The following RANBP2 variants were observed in gnomAD, a reference collection of about 807,000 sequenced individuals.
RANBP2 encodes the protein RAN binding protein 2.
In RANBP2, 57 loss-of-function variants were observed where a neutral mutation model predicts 303.6. The ratio of observed to expected loss-of-function variants is 0.19; its 90% CI spans 0.15 to 0.23. RANBP2 has a LOEUF of 0.23. Ranked by LOEUF, RANBP2 falls within the 10% of genes least tolerant of loss-of-function variation. The probability of loss-of-function intolerance (pLI) is 1.00; values close to 1 mark genes in which losing one functional copy is unlikely to be tolerated. For missense variants in RANBP2, 3,138 were observed against 3,780.8 expected (o/e 0.83, Z 4.46); for synonymous variants, 1,167 against 1,301.5 (o/e 0.90, Z 2.23).
At chr2:108,968,448 G>A in the RANBP2 span, among the ~76,000 whole-genome samples, 698 of 152,238 alleles carry the variant, frequency 4.6e-3, 5 homozygotes, top group African/African-American at 0.012. Context: ...ATTATGGGGA[G>A]GTTTGTCCCC....
At chr2:109,441,041 A>G in the RANBP2 span, among the ~76,000 whole-genome samples, 1 of 151,946 alleles carries the variant, frequency 6.6e-6, no homozygotes, top group East Asian at 1.9e-4. Context: ...ATTTCACCCA[A>G]CAGAGCTCAA....
the RANBP2 span, among the ~76,000 whole-genome samples, chr2:109,632,451 T>C: frequency 1.2e-4 from 18 of 152,264 alleles, no homozygotes; most frequent in East Asian, 5.8e-4. Flanking sequence ...AGTGTCGCAA[T>C]TGAATTGCTG....
chr2:108,719,741 A>G (rs1694062717), intron 1 of RANBP2, 63 bp downstream of exon 1: 3 of 1,547,750 alleles, frequency 1.9e-6, no homozygotes, highest in East Asian at 2.4e-5. Flanking sequence ...CGCGCTGCTC[A>G]GGCGTCATGG....
the RANBP2 span, among the ~76,000 whole-genome samples, chr2:109,709,072 G>A: frequency 5.3e-5 from 8 of 151,778 alleles, no homozygotes; most frequent in African/African-American, 1.9e-4. Context: ...GGAGGCCAAG[G>A]TGGGTGGATC....
the RANBP2 span, among the ~76,000 whole-genome samples, chr2:109,446,462 A>C: frequency 9.8e-5 from 15 of 152,294 alleles, no homozygotes; most frequent in Admixed American, 8.5e-4. Flanking sequence ...AACTGTGAGG[A>C]GCTAAGAGCC....
chr2:108,735,127 G>A (rs1159419439), intron 4 of RANBP2, among the ~76,000 whole-genome samples: 2 of 152,152 alleles, frequency 1.3e-5, no homozygotes, highest in African/African-American at 2.4e-5. Flanking sequence ...GGTGATGAAG[G>A]TAACAGAACA....
At chr2:109,009,435 A>G in the RANBP2 span, among the ~76,000 whole-genome samples, 1 of 152,084 alleles carries the variant, frequency 6.6e-6, no homozygotes, top group Admixed American at 6.6e-5. Context: ...AATTTGGCCA[A>G]TATGGAATAA....
the RANBP2 span, among the ~76,000 whole-genome samples, chr2:109,578,914 AAAGT>A: frequency 6.6e-6 from 1 of 152,360 alleles, no homozygotes; most frequent in East Asian, 1.9e-4. Context: ...CAAAACTCCA[AAAGT>A]ACAGACGTAA....
the RANBP2 span, among the ~76,000 whole-genome samples, chr2:109,322,175 G>T: frequency 3.3e-5 from 5 of 152,148 alleles, no homozygotes; most frequent in Non-Finnish European, 7.4e-5. Context: ...GGATACACAG[G>T]AGACTCAGCG....
At chr2:109,398,129 A>G in the RANBP2 span, among the ~76,000 whole-genome samples, 1 of 152,166 alleles carries the variant, frequency 6.6e-6, no homozygotes, top group African/African-American at 2.4e-5. Flanking sequence ...AGTGCATTCC[A>G]GTCACATGCT....
chr2:109,066,087 G>A, the RANBP2 span, among the ~76,000 whole-genome samples: 4 of 151,110 alleles, frequency 2.6e-5, no homozygotes, highest in African/African-American at 7.3e-5. Flanking sequence ...ACAGGCATGC[G>A]CCACCATGCC....
At chr2:109,304,328 AGATCATGTG>A in the RANBP2 span, among the ~76,000 whole-genome samples, 16 of 152,224 alleles carry the variant, frequency 1.1e-4, no homozygotes, top group African/African-American at 3.9e-4. Flanking sequence ...CATATAAGTG[AGATCATGTG>A]GTATTTGTTT....
the RANBP2 span, among the ~76,000 whole-genome samples, chr2:108,988,215 A>G: frequency 6.6e-6 from 1 of 152,106 alleles, no homozygotes; most frequent in Admixed American, 6.5e-5. Context: ...CCCAGTGGGA[A>G]CCTCGCCTGC....
chr2:108,949,716 T>G, the RANBP2 span, among the ~76,000 whole-genome samples: 2 of 152,222 alleles, frequency 1.3e-5, no homozygotes, highest in East Asian at 3.8e-4. Flanking sequence ...ACCCCAGTCC[T>G]GTGTGCCATA....
the RANBP2 span, chr2:109,552,859 T>C: frequency 2.2e-6 from 1 of 458,002 alleles, no homozygotes; most frequent in Non-Finnish European, 3.8e-6. Context: ...ATTTCAACGA[T>C]TAGTGACTCC....
chr2:109,465,520 C>T, the RANBP2 span, among the ~76,000 whole-genome samples: 2 of 152,192 alleles, frequency 1.3e-5, no homozygotes, highest in African/African-American at 4.8e-5. Flanking sequence ...ATTTTGCCAT[C>T]CTAATAGTTA....
At chr2:109,548,594 G>A in the RANBP2 span, among the ~76,000 whole-genome samples, 3 of 151,972 alleles carry the variant, frequency 2.0e-5, no homozygotes, top group South Asian at 4.1e-4. Context: ...TGGGCAACAC[G>A]GGGAAACCCC....
At chr2:109,641,355 A>G in the RANBP2 span, among the ~76,000 whole-genome samples, 1 of 152,204 alleles carries the variant, frequency 6.6e-6, no homozygotes, top group Admixed American at 6.5e-5. Flanking sequence ...ACCCAAATGG[A>G]TGGATGAACG....
Position 108,719,647 on chromosome 2 carries a change from C to T in RANBP2, c.41C>T (p.Ser14Leu), listed in dbSNP as rs374619818. ...GCTGACGTGGAGCGGTACATCGCCT[C>T]GGTGCAGGGCTCCACCCCGTCGCCT... ...SKADVERYIA[S>L]VQGSTPSPRQ... The change falls in exon 1 of 29, where the codon TCG (serine) becomes TTG (leucine). Residue 14 changes from serine to leucine, a missense_variant. This residue lies in a region of RANBP2 where 306 missense variants were observed against 381.9 expected (regional missense o/e 0.80). Coordinates refer to ENST00000283195, the MANE Select transcript of RANBP2 (RefSeq NM_006267.5). 7.5e-6 allele frequency: 12 copies of T among 1,607,718 alleles called. No homozygotes were observed. The highest frequency in any genetic ancestry group is 2.2e-4 in the Middle Eastern group (1 of 4,450).
Sources: allele counts gnomAD v4.1 joint callset (sites outside exome capture counted in the v4.1 genomes callset), GRCh38; gene constraint gnomAD v4.1.1; regional missense constraint gnomAD v4.1.1; transcripts MANE v1.5; gene names NCBI Gene and HGNC (gene_info 2026-07-23, HGNC 2026-07-21).